Variants in SLC4A4 observed in about 807,000 individuals in gnomAD.
SLC4A4 encodes the protein solute carrier family 4 member 4.
A neutral mutation model predicts 111.5 loss-of-function variants in SLC4A4; 27 were observed. The observed-to-expected ratio is 0.24, with a 90% CI of 0.18 to 0.33. SLC4A4 has a LOEUF of 0.33. Among genes scored for constraint, SLC4A4 ranks in the 10% least tolerant of loss-of-function variants. The pLI is 1.00. For missense variants in SLC4A4, 909 were observed against 1,315.5 expected, an observed-to-expected ratio of 0.69 and a Z score of 4.78; for synonymous variants, 443 against 463.4, an observed-to-expected ratio of 0.96 and a Z score of 0.57.
chr4:71,162,759 C>A (rs767065687), intron 2 of SLC4A4, among the ~76,000 whole-genome samples: 3 of 152,154 alleles, frequency 2.0e-5, no homozygotes, highest in Non-Finnish European at 2.9e-5. Flanking sequence ...TATGATAATT[C>A]TTTACGGCTA....
At chr4:71,248,790 C>G (rs1418676254) in intron 2 of SLC4A4, among the ~76,000 whole-genome samples, 1 of 152,144 alleles carries the variant, frequency 6.6e-6, no homozygotes, top group Non-Finnish European at 1.5e-5. Context: ...ATGGAAACTT[C>G]AAAGGAAGCT....
rs58013048 is a variant in SLC4A4 at position 71,167,427 on chromosome 4, T to A, written c.-1-69149T>A. ...TCAAAGCGGTCCCAAGTACATCCAG[T>A]TTTAAGGAGATGAGAATTAGACTCT... is the stretch of plus-strand genomic sequence containing the variant. On this transcript the variant is annotated intron_variant, in intron 2 of 26. Transcript: ENST00000649996. 9.5e-3 allele frequency among the ~76,000 whole-genome samples: 1,443 copies of A among 152,200 alleles called. 28 individuals carry two copies. Among genetic ancestry groups the A allele is most frequent in the African/African-American group, 0.033 (1,368 of 41,520 alleles).
rs1048072953 is a variant in SLC4A4, at chr4:71,484,600, A to G, written c.1904-2348A>G. 2.0e-5 allele frequency among the ~76,000 whole-genome samples: 3 copies of G among 151,628 alleles called. No individual in the cohort carries two copies. The Admixed American group carries it at 2.0e-4, about 10-fold the overall frequency. Reference sequence around the variant, plus strand: ...GTAGTATAGTTTGAAGTTGGGTAACATGATGCCTTCAGCCTTGTTCTTTTT... The same window carrying G: ...GTAGTATAGTTTGAAGTTGGGTAACGTGATGCCTTCAGCCTTGTTCTTTTT... On this transcript the variant is annotated intron_variant, in intron 14 of 25. Transcript: ENST00000264485.
intron 23 of SLC4A4, among the ~76,000 whole-genome samples, chr4:71,561,740 G>A (rs946432124): frequency 3.3e-5 from 5 of 151,716 alleles, no homozygotes; most frequent in East Asian, 1.9e-4. Context: ...TCCGAAGAAC[G>A]ATGTGTTTAC....
intron 1 of SLC4A4, among the ~76,000 whole-genome samples, chr4:71,230,140 T>G (rs936222281): frequency 1.1e-4 from 16 of 152,180 alleles, no homozygotes; most frequent in Non-Finnish European, 2.2e-4. Flanking sequence ...AAACATGATT[T>G]GAATAGGGAA....
chr4:71,349,130 A>G (rs949736615), intron 4 of SLC4A4, among the ~76,000 whole-genome samples: 2 of 152,162 alleles, frequency 1.3e-5, no homozygotes, highest in Non-Finnish European at 2.9e-5. Context: ...TTTTATTGCT[A>G]TATATTGCTA....
rs907021769 is a variant in SLC4A4, at chr4:71,263,126, CCTT to C, written c.253+7730_253+7732del. 7.3e-5 allele frequency among the ~76,000 whole-genome samples: 11 copies of C among 150,888 alleles called. No homozygotes were observed. In the East Asian group the frequency reaches 2.0e-3, roughly 27 times the overall value. On this transcript the variant is annotated intron_variant, in intron 3 of 25. Transcript: ENST00000264485. ...AGAACATGCGGTGCAAACAAACAAT[CCTT>C]CTATTGCTCATCATTACTTAAAGTA...
intron 14 of SLC4A4, chr4:71,473,287 C>T (rs1409654435): frequency 5.0e-6 from 3 of 598,236 alleles, no homozygotes; most frequent in Middle Eastern, 4.4e-4. Context: ...AACCTGGATA[C>T]ATGTATTAAC....
chr4:71,258,553 AGT>A (rs1423627035), intron 3 of SLC4A4, among the ~76,000 whole-genome samples: 1 of 152,160 alleles, frequency 6.6e-6, no homozygotes, highest in Non-Finnish European at 1.5e-5. Context: ...CCTGGCACAT[AGT>A]GTGTTTTTCA....
intron 22 of SLC4A4, among the ~76,000 whole-genome samples, chr4:71,558,873 C>A (rs1388736586): frequency 6.6e-6 from 1 of 151,042 alleles, no homozygotes; most frequent in Non-Finnish European, 1.5e-5. Context: ...TAAAAAAAAA[C>A]TATATTAACT....
chr4:71,498,563 T>C (rs1459132820), intron 16 of SLC4A4, among the ~76,000 whole-genome samples: 2 of 152,188 alleles, frequency 1.3e-5, no homozygotes, highest in Non-Finnish European at 2.9e-5. Flanking sequence ...ATGCACTTGA[T>C]GAAATTCCTT....
At chr4:71,443,999 A>G (rs1481925022) in intron 8 of SLC4A4, among the ~76,000 whole-genome samples, 1 of 152,198 alleles carries the variant, frequency 6.6e-6, no homozygotes, top group Non-Finnish European at 1.5e-5. Flanking sequence ...TATGGAAGCC[A>G]CAGTTTAGCC....
chr4:71,259,533 G>A (rs1458240471), intron 3 of SLC4A4, among the ~76,000 whole-genome samples: 1 of 151,924 alleles, frequency 6.6e-6, no homozygotes, highest in Non-Finnish European at 1.5e-5. Context: ...GGAAGAACAA[G>A]CAGGAGAGAC....
intron 1 of SLC4A4, among the ~76,000 whole-genome samples, chr4:71,194,732 A>T (rs1745908129): frequency 6.6e-6 from 1 of 152,174 alleles, no homozygotes; most frequent in African/African-American, 2.4e-5. Flanking sequence ...AATGGCCACA[A>T]ATTTCCAGAT....
chr4:71,150,720 G>A (rs1744293349), intron 2 of SLC4A4, among the ~76,000 whole-genome samples: 1 of 152,106 alleles, frequency 6.6e-6, no homozygotes. Flanking sequence ...AGAGCGCTTG[G>A]GATTTGTGAC....
At chr4:71,231,692 T>A (rs1431765258) in intron 1 of SLC4A4, among the ~76,000 whole-genome samples, 2 of 152,216 alleles carry the variant, frequency 1.3e-5, no homozygotes, top group Non-Finnish European at 2.9e-5. Flanking sequence ...TGCCTCATGC[T>A]GGTGATGTGA....
chr4:71,387,116 G>T (rs1353011572), intron 6 of SLC4A4, among the ~76,000 whole-genome samples: 2 of 152,152 alleles, frequency 1.3e-5, no homozygotes, highest in Non-Finnish European at 2.9e-5. Context: ...ATCCTTTTTA[G>T]CCTGTCCCTT....
rs1384943635 is a variant in SLC4A4 at position 71,357,130 on chromosome 4, G to A, written c.673G>A (p.Ala225Thr). 1 of 1,614,142 alleles carries A rather than the reference G, an allele frequency of 6.2e-7. No individual in the cohort carries two copies. The highest frequency in any genetic ancestry group is 1.7e-5 in the Admixed American group (1 of 60,008). ...QTKKSNLRSL[A>T]DIGKTVSSAS... ...CAAGAAATCCAACCTTCGGTCCCTG[G>A]CTGACATTGGGAAGACAGTCTCCAG... is the stretch of plus-strand genomic sequence containing the variant. Residue 225 changes from alanine to threonine, a missense_variant, in exon 6 of 26, where the codon GCT (alanine) becomes ACT (threonine). Around this residue, in one of 7 missense-constraint regions of SLC4A4, gnomAD observed 312 missense variants for 402.0 expected, o/e 0.78. Coordinates refer to ENST00000264485, the MANE Select transcript of SLC4A4 (RefSeq NM_001098484.3).
chr4:71,479,588 C>A (rs1274951573), intron 14 of SLC4A4, among the ~76,000 whole-genome samples: 17 of 151,660 alleles, frequency 1.1e-4, no homozygotes, highest in Non-Finnish European at 1.9e-4. Flanking sequence ...TGAACTATAT[C>A]ATAATATATG....
Sources: allele counts gnomAD v4.1 joint callset (sites outside exome capture counted in the v4.1 genomes callset), GRCh38; gene constraint gnomAD v4.1.1; regional missense constraint gnomAD v4.1.1; transcripts MANE v1.5; gene names NCBI Gene and HGNC (gene_info 2026-07-23, HGNC 2026-07-21).